Variants in SORCS3 observed in about 807,000 individuals in gnomAD.
The protein encoded by SORCS3 is sortilin related VPS10 domain containing receptor 3.
A neutral mutation model predicts 146.3 loss-of-function variants in SORCS3; 57 were observed. The ratio of observed to expected loss-of-function variants is 0.39; its 90% CI spans 0.31 to 0.49. The LOEUF (loss-of-function observed/expected upper bound fraction) is 0.49. Among genes scored for constraint, SORCS3 ranks in the 20% least tolerant of loss-of-function variants. The pLI, the probability that SORCS3 is intolerant of heterozygous loss-of-function variation, is 0.92. For synonymous variants in SORCS3, 653 were observed against 618.5 expected, an observed-to-expected ratio of 1.06 and a Z score of -0.83; for missense variants, 1,341 against 1,575.5, an observed-to-expected ratio of 0.85 and a Z score of 2.52.
intron 8 of SORCS3, among the ~76,000 whole-genome samples, chr10:105,141,972 G>C (rs748774268): frequency 2.6e-5 from 4 of 152,150 alleles, no homozygotes; most frequent in Non-Finnish European, 5.9e-5. Context: ...TAAAGTGTTC[G>C]ACAAATCTAA....
intron 3 of SORCS3, among the ~76,000 whole-genome samples, chr10:104,924,825 G>A (rs977797430): frequency 6.6e-6 from 1 of 152,080 alleles, no homozygotes; most frequent in Non-Finnish European, 1.5e-5. Context: ...TGTATGGGAG[G>A]GTTGTTAGCA....
chr10:104,692,288 A>C (rs1186352158), intron 1 of SORCS3, among the ~76,000 whole-genome samples: 6 of 152,168 alleles, frequency 3.9e-5, no homozygotes, highest in Admixed American at 2.6e-4. Context: ...CAGCAGAGGA[A>C]AGAAACTGAC....
chr10:105,230,845 G>T (rs1054217340), intron 20 of SORCS3, among the ~76,000 whole-genome samples: 1 of 152,186 alleles, frequency 6.6e-6, no homozygotes, highest in Non-Finnish European at 1.5e-5. Context: ...GCACCTTGCT[G>T]CAGCTGCTTT....
chr10:104,708,271 G>A (rs1479517079), intron 1 of SORCS3, among the ~76,000 whole-genome samples: 1 of 152,112 alleles, frequency 6.6e-6, no homozygotes, highest in Non-Finnish European at 1.5e-5. Context: ...TTGGTGCCCC[G>A]GATCAGCCCA....
chr10:104,923,876 T>C (rs1190367758), intron 3 of SORCS3, among the ~76,000 whole-genome samples: 1 of 152,202 alleles, frequency 6.6e-6, no homozygotes, highest in Non-Finnish European at 1.5e-5. Flanking sequence ...ATGATAATAA[T>C]GACAATGATA....
intron 1 of SORCS3, among the ~76,000 whole-genome samples, chr10:104,642,517 C>T (rs995085959): frequency 2.4e-4 from 37 of 152,110 alleles, no homozygotes; most frequent in Admixed American, 1.4e-3. Context: ...GGAGGCTCGG[C>T]CAAGTCGGCC....
intron 20 of SORCS3, among the ~76,000 whole-genome samples, chr10:105,232,852 T>A (rs181109677): frequency 2.6e-5 from 4 of 152,182 alleles, no homozygotes; most frequent in Admixed American, 2.6e-4. Flanking sequence ...CTGTTAATTA[T>A]TTATTGCTCA....
intron 14 of SORCS3, among the ~76,000 whole-genome samples, chr10:105,186,594 C>G (rs2056478092): frequency 6.6e-6 from 1 of 151,940 alleles, no homozygotes; most frequent in Non-Finnish European, 1.5e-5. Context: ...TTAAATTTCC[C>G]TATCTTAACC....
chr10:104,703,052 T>C (rs943183624), intron 1 of SORCS3, among the ~76,000 whole-genome samples: 6 of 152,200 alleles, frequency 3.9e-5, no homozygotes, highest in African/African-American at 1.4e-4. Context: ...ACACTTCAAA[T>C]CGATTGATTA....
At chr10:104,772,951 A>G (rs2017268798) in intron 1 of SORCS3, among the ~76,000 whole-genome samples, 1 of 152,228 alleles carries the variant, frequency 6.6e-6, no homozygotes, top group Non-Finnish European at 1.5e-5. Context: ...GGAGGAAGAC[A>G]TATTCAGTAA....
chr10:104,688,763 G>A (rs747118231), intron 1 of SORCS3, among the ~76,000 whole-genome samples: 4 of 152,064 alleles, frequency 2.6e-5, no homozygotes, highest in Non-Finnish European at 5.9e-5. Context: ...CGCATCCTTA[G>A]TTACCTGCTG....
At chr10:104,690,791 C>T (rs181679705) in intron 1 of SORCS3, among the ~76,000 whole-genome samples, 161 of 152,242 alleles carry the variant, frequency 1.1e-3, no homozygotes, top group Non-Finnish European at 3.1e-4. Flanking sequence ...GTCTGCTGAC[C>T]CCTGACTGTG....
chr10:105,145,265 A>T (rs925927108), intron 8 of SORCS3, among the ~76,000 whole-genome samples: 1 of 152,138 alleles, frequency 6.6e-6, no homozygotes, highest in Non-Finnish European at 1.5e-5. Flanking sequence ...GTAGGTTTAT[A>T]TCTTAGTAAT....
At chr10:104,917,792 T>A (rs980697674) in intron 3 of SORCS3, among the ~76,000 whole-genome samples, 1 of 152,220 alleles carries the variant, frequency 6.6e-6, no homozygotes, top group African/African-American at 2.4e-5. Flanking sequence ...TTCAGGTTCA[T>A]CCATGTTGTC....
intron 2 of SORCS3, among the ~76,000 whole-genome samples, chr10:104,886,484 G>A (rs1171774748): frequency 6.6e-6 from 1 of 151,886 alleles, no homozygotes; most frequent in Non-Finnish European, 1.5e-5. Flanking sequence ...TACCACATAT[G>A]TTATTTATAT....
intron 4 of SORCS3, among the ~76,000 whole-genome samples, chr10:105,009,869 C>G (rs1430492023): frequency 6.6e-6 from 1 of 152,076 alleles, no homozygotes; most frequent in African/African-American, 2.4e-5. Flanking sequence ...ACAAAACTCC[C>G]TTTCTCCCTG....
At chr10:104,847,912 C>T (rs780185683) in intron 2 of SORCS3, among the ~76,000 whole-genome samples, 2 of 151,908 alleles carry the variant, frequency 1.3e-5, no homozygotes, top group Admixed American at 6.6e-5. Context: ...ATGGAGAGTA[C>T]GGATTCCCAG....
chr10:104,921,302 G>A (rs1425394128), intron 3 of SORCS3, among the ~76,000 whole-genome samples: 3 of 152,198 alleles, frequency 2.0e-5, no homozygotes, highest in East Asian at 1.9e-4. Context: ...TCCCATGGGC[G>A]AGCTTATTTG....
At chr10:104,936,281 G>A (rs947444725) in intron 3 of SORCS3, among the ~76,000 whole-genome samples, 51 of 152,220 alleles carry the variant, frequency 3.4e-4, no homozygotes, top group African/African-American at 1.0e-3. Flanking sequence ...AAAAAAAAAT[G>A]GCTAACATTG....
Sources: gnomAD v4.1 joint callset for allele counts (sites outside exome capture counted in the v4.1 genomes callset) on GRCh38, gnomAD v4.1.1 for gene constraint, MANE v1.5 for transcripts, NCBI Gene and HGNC (gene_info 2026-07-23, HGNC 2026-07-21) for gene names.